Variants in ZFAND3 observed in about 807,000 individuals in gnomAD.
The protein encoded by ZFAND3 is AN1-type zinc finger protein 3.
In ZFAND3, 10 loss-of-function variants were observed where a neutral mutation model predicts 29.6. The ratio of observed to expected loss-of-function variants is 0.34; its 90% confidence interval spans 0.21 to 0.57. The LOEUF (loss-of-function observed/expected upper bound fraction) is 0.57. Among genes scored for constraint, ZFAND3 ranks in the 20% least tolerant of loss-of-function variants. The pLI is 0.86. For synonymous variants in ZFAND3, 128 were observed against 112.6 expected, an observed-to-expected ratio of 1.14 and a Z score of -0.87; for missense variants, 230 against 304.5, an observed-to-expected ratio of 0.76 and a Z score of 1.82.
chr6:37,978,165 T>C (rs1762521752), intron 2 of ZFAND3, among the ~76,000 whole-genome samples: 2 of 152,096 alleles, frequency 1.3e-5, no homozygotes, highest in East Asian at 1.9e-4. Flanking sequence ...GAACTGAGAC[T>C]GTGCCTGGCT....
At chr6:37,823,113 A>C (rs545864928) in intron 1 of ZFAND3, among the ~76,000 whole-genome samples, 2 of 152,234 alleles carry the variant, frequency 1.3e-5, no homozygotes, top group African/African-American at 4.8e-5. Context: ...GTGTGTGGGT[A>C]TGACTCTGTG....
intron 5 of ZFAND3, among the ~76,000 whole-genome samples, chr6:38,144,386 A>T (rs1018744715): frequency 6.6e-6 from 1 of 151,954 alleles, no homozygotes; most frequent in Non-Finnish European, 1.5e-5. Context: ...TCAACTCAGG[A>T]TGCTTTGGGA....
intron 2 of ZFAND3, among the ~76,000 whole-genome samples, chr6:37,995,268 T>C (rs1210096015): frequency 6.6e-6 from 1 of 152,210 alleles, no homozygotes; most frequent in African/African-American, 2.4e-5. Context: ...TAAGGAAAAC[T>C]AATCTTGGGT....
At chr6:38,116,187 C>T (rs1235555554) in intron 4 of ZFAND3, among the ~76,000 whole-genome samples, 1 of 152,078 alleles carries the variant, frequency 6.6e-6, no homozygotes, top group Non-Finnish European at 1.5e-5. Flanking sequence ...AAGCAAATGC[C>T]CAAGAAAAGA....
intron 1 of ZFAND3, among the ~76,000 whole-genome samples, chr6:37,926,501 C>G (rs1382347075): frequency 6.6e-6 from 1 of 152,150 alleles, no homozygotes; most frequent in African/African-American, 2.4e-5. Flanking sequence ...TTGCTACTCC[C>G]TTGCAAAAAT....
At chr6:38,129,192 T>G (rs1047477677) in intron 5 of ZFAND3, among the ~76,000 whole-genome samples, 11 of 152,204 alleles carry the variant, frequency 7.2e-5, no homozygotes, top group African/African-American at 2.4e-4. Flanking sequence ...TCTTGTTGAT[T>G]TGTTTGAGTT....
intron 2 of ZFAND3, among the ~76,000 whole-genome samples, chr6:37,997,518 G>A (rs1561960569): frequency 6.6e-6 from 1 of 152,166 alleles, no homozygotes; most frequent in Non-Finnish European, 1.5e-5. Context: ...AAAATACACA[G>A]GTAGTTCATA....
intron 1 of ZFAND3, among the ~76,000 whole-genome samples, chr6:37,830,027 A>G (rs1763831958): frequency 6.6e-6 from 1 of 152,228 alleles, no homozygotes; most frequent in Non-Finnish European, 1.5e-5. Flanking sequence ...ATATATTCTA[A>G]TATGATAGTT....
At chr6:37,860,040 T>TC (rs1764454651) in intron 1 of ZFAND3, among the ~76,000 whole-genome samples, 1 of 145,822 alleles carries the variant, frequency 6.9e-6, no homozygotes, top group African/African-American at 2.5e-5. Flanking sequence ...CCCAGCTAAT[T>TC]TTTTTTTTTT....
rs560767079 is a variant in ZFAND3 at position 37,832,761 on chromosome 6, C to G, written c.71+12745C>G. Among the ~76,000 whole-genome samples the G allele has an allele frequency of 2.0e-5, 3 of 152,248 alleles. No individual in the cohort carries two copies. The South Asian group carries it at 6.2e-4, about 32-fold the overall frequency. Reference sequence around the variant, plus strand: ...ACAGGATCATAGTTCACTGTAGCCTCGAACTCCTGGGCTTAAGTGATCCTT... The same window carrying G: ...ACAGGATCATAGTTCACTGTAGCCTGGAACTCCTGGGCTTAAGTGATCCTT... On this transcript the variant is annotated intron_variant, in intron 1 of 5. Coordinates refer to ENST00000287218, the MANE Select transcript of ZFAND3 (RefSeq NM_021943.3).
In ZFAND3 at chr6:37,945,058, G is replaced by A. The variant is rs145664401; in HGVS notation, c.112+15059G>A. Among the ~76,000 whole-genome samples the A allele has an allele frequency of 1.7e-3, 263 of 152,302 alleles. 1 individual carries two copies. The highest frequency in any genetic ancestry group is 6.1e-3 in the African/African-American group (252 of 41,574). On this transcript the variant is annotated intron_variant, in intron 2 of 5. Coordinates refer to ENST00000287218, the MANE Select transcript of ZFAND3 (RefSeq NM_021943.3). ...TATGGGTGCTCCCGGAACTGTCTTG[G>A]CATTGGTGGGTGTGATTTAGTATGT...
At chr6:37,848,342 A>G (rs1764219672) in intron 1 of ZFAND3, among the ~76,000 whole-genome samples, 1 of 152,266 alleles carries the variant, frequency 6.6e-6, no homozygotes, top group African/African-American at 2.4e-5. Flanking sequence ...CAAACTGGAC[A>G]GATTGAGGCC....
intron 1 of ZFAND3, among the ~76,000 whole-genome samples, chr6:37,887,359 T>C (rs9470726): frequency 1.0e-3 from 158 of 152,316 alleles, no homozygotes; most frequent in African/African-American, 2.6e-3. Context: ...TTTTTAAAAA[T>C]CAAAATCATG....
chr6:37,958,192 G>A (rs1032405714), intron 2 of ZFAND3, among the ~76,000 whole-genome samples: 1 of 152,148 alleles, frequency 6.6e-6, no homozygotes, highest in Non-Finnish European at 1.5e-5. Context: ...GATGGCTCAC[G>A]CCTGTAATGC....
intron 1 of ZFAND3, among the ~76,000 whole-genome samples, chr6:37,873,833 A>G (rs909192765): frequency 2.6e-5 from 4 of 152,214 alleles, no homozygotes; most frequent in Admixed American, 6.5e-5. Flanking sequence ...GCAGTTTGTC[A>G]TAGGTAATAC....
chr6:37,914,073 G>C (rs1468025557), intron 1 of ZFAND3, among the ~76,000 whole-genome samples: 1 of 152,076 alleles, frequency 6.6e-6, no homozygotes, highest in East Asian at 1.9e-4. Context: ...CTTGAAAGCT[G>C]AAATGATTCC....
At chr6:37,921,246 T>C (rs1381666107) in intron 1 of ZFAND3, among the ~76,000 whole-genome samples, 1 of 152,178 alleles carries the variant, frequency 6.6e-6, no homozygotes. Flanking sequence ...ACAGATTGAC[T>C]CCCTTCACTG....
intron 2 of ZFAND3, among the ~76,000 whole-genome samples, chr6:37,953,130 TA>T (rs1762026766): frequency 6.6e-6 from 1 of 152,118 alleles, no homozygotes; most frequent in Non-Finnish European, 1.5e-5. Context: ...TAAATGTGGT[TA>T]TTGGTATAAT....
intron 2 of ZFAND3, among the ~76,000 whole-genome samples, chr6:37,959,531 G>C (rs1762157872): frequency 6.6e-6 from 1 of 152,052 alleles, no homozygotes; most frequent in South Asian, 2.1e-4. Context: ...TTGCTTTACT[G>C]AATGTCAGTT....
Sources: gnomAD v4.1 joint callset for allele counts (sites outside exome capture counted in the v4.1 genomes callset) on GRCh38, gnomAD v4.1.1 for gene constraint, MANE v1.5 for transcripts, NCBI Gene and HGNC (gene_info 2026-07-23, HGNC 2026-07-21) for gene names.